ATP2B2: variants seen among roughly 807,000 people sequenced by gnomAD.
ATP2B2 encodes the protein plasma membrane calcium-transporting ATPase 2.
In ATP2B2, 15 loss-of-function variants were observed where a neutral mutation model predicts 120.0. The observed-to-expected ratio is 0.12, with a 90% CI of 0.08 to 0.19. The LOEUF is 0.19. ATP2B2 is among the 10% of genes least tolerant of loss of function. ATP2B2 has a pLI of 1.00. For synonymous variants in ATP2B2, 694 were observed against 700.3 expected, an observed-to-expected ratio of 0.99 and a Z score of 0.14; for missense variants, 1,045 against 1,719.8, an observed-to-expected ratio of 0.61 and a Z score of 6.94.
intron 1 of ATP2B2, 41 bp from the exon 2 acceptor site, chr3:10,449,903 T>G: frequency 2.7e-6 from 1 of 376,908 alleles, no homozygotes; most frequent in Non-Finnish European, 5.1e-6. Context: ...GGCCAGGCAC[T>G]GGAGGCCACA....
intron 5 of ATP2B2, among the ~76,000 whole-genome samples, chr3:10,396,305 C>T (rs1351182175): frequency 6.6e-6 from 1 of 152,266 alleles, no homozygotes; most frequent in Non-Finnish European, 1.5e-5. Flanking sequence ...GAGGCCTCAC[C>T]AGCTTCCCCA....
intron 2 of ATP2B2, among the ~76,000 whole-genome samples, chr3:10,572,968 C>T (rs2068160419): frequency 1.3e-5 from 2 of 152,178 alleles, no homozygotes. Context: ...CATCTAATCA[C>T]TAATGATGGA....
At chr3:10,403,465 T>C (rs535027639) in intron 3 of ATP2B2, among the ~76,000 whole-genome samples, 1 of 152,356 alleles carries the variant, frequency 6.6e-6, no homozygotes, top group African/African-American at 2.4e-5. Flanking sequence ...CAAAGGCAGA[T>C]CCTACTCATG....
At chr3:10,380,777 T>A (rs2061510670) in intron 8 of ATP2B2, among the ~76,000 whole-genome samples, 1 of 152,178 alleles carries the variant, frequency 6.6e-6, no homozygotes, top group Admixed American at 6.5e-5. Flanking sequence ...GCTTTCTATC[T>A]CCCAATCTCA....
At chr3:10,509,190 G>T (rs969454128), upstream of ATP2B2, among the ~76,000 whole-genome samples, 6 of 152,184 alleles carry the variant, frequency 3.9e-5, no homozygotes, top group Non-Finnish European at 8.8e-5. Flanking sequence ...AGGCAGGTCT[G>T]AGGGGAGAGG....
rs117756143 is a variant in ATP2B2, at chr3:10,541,083, G to A, written c.-414-6950C>T. Among the ~76,000 whole-genome samples, 1,021 of 152,128 alleles carry A rather than the reference G, an allele frequency of 6.7e-3. 12 individuals carry two copies. Among genetic ancestry groups the A allele is most frequent in the East Asian group, 0.032 (164 of 5,184 alleles). On this transcript the variant is annotated intron_variant, in intron 2 of 21. Coordinates refer to the ATP2B2 transcript ENST00000646379. ...TCATAGTATTCCTTATTGTATTGATGTCTGTGGGGTCTGTAGCGTTATTCT... is the reference window on the plus strand; with the variant it reads ...TCATAGTATTCCTTATTGTATTGATATCTGTGGGGTCTGTAGCGTTATTCT...
intron 2 of ATP2B2, among the ~76,000 whole-genome samples, chr3:10,538,441 C>G (rs556914586): frequency 1.3e-5 from 2 of 152,268 alleles, no homozygotes; most frequent in East Asian, 3.9e-4. Flanking sequence ...AATTTTAGAC[C>G]AATATCCCTG....
In ATP2B2 at chr3:10,667,902, A is replaced by C. The variant is rs545900124; in HGVS notation, c.-460+40013T>G. On this transcript the variant is annotated intron_variant, in intron 1 of 21. Transcript: ENST00000646379. ...ACTATGCAAAATAAACAACTGAGAC[A>C]ACCTCATTGGAGGTAAAGAACTCTG... Among the ~76,000 whole-genome samples, 126 of 152,308 alleles carry C rather than the reference A, an allele frequency of 8.3e-4. 2 individuals are homozygous for C. In the South Asian group the frequency reaches 0.025, roughly 31 times the overall value.
At chr3:10,666,974 T>C (rs1289409972) in intron 1 of ATP2B2, among the ~76,000 whole-genome samples, 1 of 152,210 alleles carries the variant, frequency 6.6e-6, no homozygotes, top group South Asian at 2.1e-4. Context: ...ACCAGGACTA[T>C]TTCTTCCACT....
rs547289621 is a variant in ATP2B2, at chr3:10,600,362, G to A, written c.-415+19555C>T. On this transcript the variant is annotated intron_variant, in intron 2 of 21. Coordinates refer to the ATP2B2 transcript ENST00000646379. ...TCACCTGCCCCCAGGCTCTGTGCCC[G>A]CCCCTTGCTCACCATTTTCTGGCTG... Among the ~76,000 whole-genome samples, 9 of 152,228 alleles carry A rather than the reference G, an allele frequency of 5.9e-5. No individual in the cohort carries two copies. The South Asian group carries it at 1.2e-3, about 21-fold the overall frequency.
chr3:10,556,393 G>A (rs1250236736), intron 2 of ATP2B2, among the ~76,000 whole-genome samples: 1 of 152,190 alleles, frequency 6.6e-6, no homozygotes, highest in East Asian at 1.9e-4. Flanking sequence ...TAGTGGTGGG[G>A]GAGACAAATG....
chr3:10,464,627 TCCATCC>T (rs1243299339), intron 1 of ATP2B2, among the ~76,000 whole-genome samples: 1 of 152,196 alleles, frequency 6.6e-6, no homozygotes, highest in Admixed American at 6.5e-5. Flanking sequence ...GGGAACTTCC[TCCATCC>T]CCAGAAGCCT....
chr3:10,528,467 C>T (rs996720121), intron 3 of ATP2B2, among the ~76,000 whole-genome samples: 4 of 152,190 alleles, frequency 2.6e-5, no homozygotes, highest in African/African-American at 4.8e-5. Flanking sequence ...TGTGCCTGAT[C>T]ACTTTCTCTT....
intron 2 of ATP2B2, among the ~76,000 whole-genome samples, chr3:10,599,820 G>A (rs949380240): frequency 3.4e-5 from 5 of 148,530 alleles, no homozygotes; most frequent in African/African-American, 7.4e-5. Flanking sequence ...GGGGTGGGGC[G>A]GCAGGCAAGA....
intron 2 of ATP2B2, among the ~76,000 whole-genome samples, chr3:10,551,355 C>T (rs1177903878): frequency 6.6e-6 from 1 of 152,180 alleles, no homozygotes; most frequent in Non-Finnish European, 1.5e-5. Context: ...AATGGACGTG[C>T]CGATTATCAA....
At chr3:10,336,349 C>T (rs761438191) in intron 22 of ATP2B2, 48 of 1,528,544 alleles carry the variant, frequency 3.1e-5, no homozygotes, top group South Asian at 6.0e-5. Flanking sequence ...ACGAGCACAA[C>T]GGCTACATGA....
At chr3:10,450,174 G>C (rs551189272) in intron 1 of ATP2B2, among the ~76,000 whole-genome samples, 1 of 152,126 alleles carries the variant, frequency 6.6e-6, no homozygotes, top group East Asian at 1.9e-4. Context: ...ATACCTTCTG[G>C]CATGTCCTTG....
intron 3 of ATP2B2, among the ~76,000 whole-genome samples, chr3:10,520,546 T>C (rs2066963901): frequency 6.6e-6 from 1 of 152,164 alleles, no homozygotes; most frequent in African/African-American, 2.4e-5. Context: ...CTCGGCTCAC[T>C]GCAACCTCCA....
intron 6 of ATP2B2, chr3:10,388,023 T>C (rs374673356): frequency 8.6e-5 from 41 of 478,688 alleles, no homozygotes; most frequent in Middle Eastern, 1.2e-3. Flanking sequence ...GTCAGCATCC[T>C]TGGCCTGGCC....
Sources: gnomAD v4.1 joint callset for allele counts (sites outside exome capture counted in the v4.1 genomes callset) on GRCh38, gnomAD v4.1.1 for gene constraint, MANE v1.5 for transcripts, NCBI Gene and HGNC (gene_info 2026-07-23, HGNC 2026-07-21) for gene names.